The following CNTN5 variants were observed in gnomAD, a reference collection of about 807,000 sequenced individuals.
CNTN5 encodes the protein contactin 5, also known as contactin-5.
CNTN5 carries 77 observed loss-of-function variants against 129.1 expected under a neutral mutation model. That is an observed-to-expected ratio of 0.60 (90% CI 0.50 to 0.72). The LOEUF (loss-of-function observed/expected upper bound fraction) is 0.72, where lower values mean the gene tolerates loss of function less well. Ranked by LOEUF, CNTN5 falls within the 30% of genes least tolerant of loss-of-function variation. CNTN5 has a pLI of 0.00. For synonymous variants in CNTN5, 509 were observed against 465.6 expected (o/e 1.09, Z -1.20); for missense variants, 1,478 against 1,328.8 (o/e 1.11, Z -1.75).
At chr11:99,350,697 AG>A (rs1307807010) in intron 2 of CNTN5, among the ~76,000 whole-genome samples, 1 of 152,122 alleles carries the variant, frequency 6.6e-6, no homozygotes, top group African/African-American at 2.4e-5. Flanking sequence ...AGGAAACCTC[AG>A]TTAAAAGAGT....
At chr11:99,414,602 G>A (rs1942561143) in intron 2 of CNTN5, among the ~76,000 whole-genome samples, 1 of 152,000 alleles carries the variant, frequency 6.6e-6, no homozygotes, top group Non-Finnish European at 1.5e-5. Context: ...ATATAATCAG[G>A]GCAGATAGTG....
chr11:99,092,964 T>A (rs1031896222), intron 1 of CNTN5, among the ~76,000 whole-genome samples: 1 of 152,072 alleles, frequency 6.6e-6, no homozygotes, highest in Non-Finnish European at 1.5e-5. Flanking sequence ...ATGGCAACTT[T>A]TACTTTAAGA....
intron 13 of CNTN5, among the ~76,000 whole-genome samples, chr11:100,124,480 A>T (rs1022377669): frequency 6.6e-6 from 1 of 152,068 alleles, no homozygotes; most frequent in African/African-American, 2.4e-5. Context: ...AAGCTATAAA[A>T]GAAATAAAGA....
At chr11:99,138,829 C>T (rs1859365141) in intron 1 of CNTN5, among the ~76,000 whole-genome samples, 1 of 152,104 alleles carries the variant, frequency 6.6e-6, no homozygotes, top group Non-Finnish European at 1.5e-5. Flanking sequence ...ATATGGGCCT[C>T]AGAAAACATA....
At chr11:100,113,247 C>CA (rs1242911180) in intron 13 of CNTN5, among the ~76,000 whole-genome samples, 7 of 151,290 alleles carry the variant, frequency 4.6e-5, no homozygotes, top group African/African-American at 1.7e-4. Context: ...AATTACTTTA[C>CA]ATATAAATGT....
intron 1 of CNTN5, among the ~76,000 whole-genome samples, chr11:99,218,465 C>A (rs774827567): frequency 6.6e-6 from 1 of 152,038 alleles, no homozygotes; most frequent in Admixed American, 6.6e-5. Context: ...GACCTAAAGT[C>A]CTGTATGTTG....
intron 15 of CNTN5, among the ~76,000 whole-genome samples, chr11:100,215,646 CAGGAAAGAATAAGTAAT>C (rs1421519252): frequency 2.0e-5 from 3 of 151,962 alleles, no homozygotes; most frequent in Non-Finnish European, 2.9e-5. Context: ...ATAATGGAAA[CAGGAAAGAATAAGTAAT>C]AGGAAAGAAT....
rs578011412 is a variant in CNTN5 at position 100,274,745 on chromosome 11, G to A, written c.2314+3504G>A. Among the ~76,000 whole-genome samples the A allele has an allele frequency of 2.6e-5, 4 of 152,290 alleles. No homozygotes were observed. The South Asian group carries it at 8.3e-4, about 32-fold the overall frequency. On this transcript the variant is annotated intron_variant, in intron 18 of 24. Transcript: ENST00000524871. The stretch of plus-strand genomic sequence containing the variant: ...AAAAGTCAAAAAATAACAGATGCTG[G>A]CAAGGTTGCAGAGAAAAAAGAACAC...
intron 6 of CNTN5, among the ~76,000 whole-genome samples, chr11:99,864,231 A>G (rs1210701439): frequency 6.6e-6 from 1 of 152,068 alleles, no homozygotes; most frequent in African/African-American, 2.4e-5. Context: ...AAATCCATTT[A>G]TCCTTCTACC....
chr11:99,352,455 T>C (rs891001549), intron 2 of CNTN5, among the ~76,000 whole-genome samples: 3 of 152,178 alleles, frequency 2.0e-5, no homozygotes, highest in Non-Finnish European at 2.9e-5. Context: ...ATAGCAAACA[T>C]AACTTGTGTA....
intron 1 of CNTN5, among the ~76,000 whole-genome samples, chr11:99,195,338 T>C (rs974404689): frequency 2.0e-5 from 3 of 152,114 alleles, no homozygotes; most frequent in African/African-American, 7.2e-5. Flanking sequence ...ACCTATTTTT[T>C]CTTAATAGTA....
intron 3 of CNTN5, among the ~76,000 whole-genome samples, chr11:99,776,152 T>G (rs529068379): frequency 6.9e-6 from 1 of 145,878 alleles, no homozygotes; most frequent in South Asian, 2.3e-4. Flanking sequence ...GCTAGCATAA[T>G]GAATGAGAAG....
intron 15 of CNTN5, among the ~76,000 whole-genome samples, chr11:100,202,068 C>T (rs892448287): frequency 3.6e-4 from 55 of 152,116 alleles, no homozygotes; most frequent in African/African-American, 1.2e-3. Flanking sequence ...CCCTCAAATA[C>T]GCTATGGTAT....
chr11:99,780,372 T>C (rs1945271393), intron 3 of CNTN5, among the ~76,000 whole-genome samples: 1 of 152,096 alleles, frequency 6.6e-6, no homozygotes, highest in South Asian at 2.1e-4. Flanking sequence ...TATAGAAGAT[T>C]AGAAATTTGC....
At chr11:99,150,791 T>C (rs1485826025) in intron 1 of CNTN5, among the ~76,000 whole-genome samples, 1 of 152,074 alleles carries the variant, frequency 6.6e-6, no homozygotes, top group Non-Finnish European at 1.5e-5. Context: ...CCAATTTCCT[T>C]GTGGTTTGGG....
At position 99,540,205 on chromosome 11, in the gene CNTN5, A is replaced by T. The variant is rs183997096; in HGVS notation, c.-70-15940A>T. On this transcript the variant is annotated intron_variant, in intron 2 of 24. Coordinates refer to ENST00000524871, the MANE Select transcript of CNTN5 (RefSeq NM_014361.4). ...AAGTCTATAGAAGTAAGCACAGCAC[A>T]GATAAAGGCCTAAGAACTAATGATA... is the stretch of plus-strand genomic sequence containing the variant. 3.9e-5 allele frequency among the ~76,000 whole-genome samples: 6 copies of T among 152,330 alleles called. No individual in the cohort carries two copies. The East Asian group carries it at 1.2e-3, about 29-fold the overall frequency.
At chr11:100,260,342 T>G (rs1352703824) in intron 17 of CNTN5, among the ~76,000 whole-genome samples, 1 of 152,190 alleles carries the variant, frequency 6.6e-6, no homozygotes, top group Non-Finnish European at 1.5e-5. Context: ...CCAGACAGAT[T>G]CACAGCCGAA....
intron 2 of CNTN5, among the ~76,000 whole-genome samples, chr11:99,441,233 G>GA (rs772369684): frequency 7.2e-5 from 11 of 152,068 alleles, no homozygotes; most frequent in Non-Finnish European, 1.2e-4. Flanking sequence ...AAAATATTGA[G>GA]AATAATTTCT....
chr11:99,275,070 T>C (rs1407973527), intron 1 of CNTN5, among the ~76,000 whole-genome samples: 1 of 151,400 alleles, frequency 6.6e-6, no homozygotes, highest in Non-Finnish European at 1.5e-5. Context: ...TAAATGTGTG[T>C]ATATGCCATA....
Sources: gnomAD v4.1 joint callset for allele counts (sites outside exome capture counted in the v4.1 genomes callset) on GRCh38, gnomAD v4.1.1 for gene constraint, MANE v1.5 for transcripts, NCBI Gene and HGNC (gene_info 2026-07-23, HGNC 2026-07-21) for gene names.